Variants in VEPH1 observed in about 807,000 individuals in gnomAD.
VEPH1 encodes ventricular zone-expressed PH domain-containing protein homolog 1.
In VEPH1, 80 loss-of-function variants were observed where a neutral mutation model predicts 85.2. The ratio of observed to expected loss-of-function variants is 0.94; its 90% CI spans 0.78 to 1.13. VEPH1 has a LOEUF of 1.13. Among genes scored for constraint, VEPH1 ranks in the 50% most tolerant of loss-of-function variants. The pLI is 0.00. For missense variants in VEPH1, 955 were observed against 980.5 expected (o/e 0.97, Z 0.35); for synonymous variants, 297 against 348.0 (o/e 0.85, Z 1.63).
intron 9 of VEPH1, among the ~76,000 whole-genome samples, chr3:157,335,308 G>A (rs558874823): frequency 7.2e-5 from 11 of 152,116 alleles, no homozygotes; most frequent in Non-Finnish European, 1.5e-4. Flanking sequence ...TGCGGTGGGA[G>A]GATGGCTTGA....
At chr3:157,406,340 G>T (rs943983905) in intron 6 of VEPH1, among the ~76,000 whole-genome samples, 2 of 152,056 alleles carry the variant, frequency 1.3e-5, no homozygotes, top group Non-Finnish European at 2.9e-5. Context: ...TAATTTAAAG[G>T]TGTAAATCAT....
rs1310211431 is a variant in VEPH1, at chr3:157,428,305, T to G, written c.696+17A>C. 6.2e-7 allele frequency: 1 copy of G among 1,613,576 alleles called. No homozygotes were observed. Among genetic ancestry groups the G allele is most frequent in the Non-Finnish European group, 8.5e-7 (1 of 1,179,676 alleles). The stretch of plus-strand genomic sequence containing the variant: ...GCCTGGTTGTGTGCACCATGACATA[T>G]ACAATGTACTTTTTACCTCGAGTTG... On this transcript the variant is annotated intron_variant, in intron 5 of 13. Coordinates refer to ENST00000362010, the MANE Select transcript of VEPH1 (RefSeq NM_001167912.2).
intron 11 of VEPH1, among the ~76,000 whole-genome samples, chr3:157,293,486 A>C (rs1426117429): frequency 1.3e-5 from 2 of 152,208 alleles, no homozygotes; most frequent in African/African-American, 4.8e-5. Flanking sequence ...TGGCAATTCT[A>C]TGTGTCTGGC....
chr3:157,464,666 A>C (rs1482504668), intron 3 of VEPH1, among the ~76,000 whole-genome samples: 1 of 152,194 alleles, frequency 6.6e-6, no homozygotes, highest in East Asian at 1.9e-4. Context: ...GATTAGCACC[A>C]ATTTGAACTT....
chr3:157,307,787 G>C (rs1435238408), intron 11 of VEPH1, among the ~76,000 whole-genome samples: 1 of 151,648 alleles, frequency 6.6e-6, no homozygotes, highest in Non-Finnish European at 1.5e-5. Flanking sequence ...TTTAATTTGG[G>C]AGAAAATTTT....
At chr3:157,360,124 T>C (rs549013997) in intron 9 of VEPH1, among the ~76,000 whole-genome samples, 1 of 152,308 alleles carries the variant, frequency 6.6e-6, no homozygotes, top group African/African-American at 2.4e-5. Flanking sequence ...AAAGGTAATA[T>C]TGTTGAGCAA....
chr3:157,289,583 C>G (rs755895428), intron 11 of VEPH1, among the ~76,000 whole-genome samples: 8 of 152,110 alleles, frequency 5.3e-5, no homozygotes, highest in Non-Finnish European at 8.8e-5. Context: ...AAACACAAAC[C>G]AACAACCAGT....
chr3:157,490,859 A>C (rs1332025690), intron 2 of VEPH1, among the ~76,000 whole-genome samples: 1 of 152,208 alleles, frequency 6.6e-6, no homozygotes, highest in Non-Finnish European at 1.5e-5. Context: ...TTACTGTAGC[A>C]CTGTTTAAAT....
At chr3:157,261,999 T>C (rs542687288) in intron 13 of VEPH1, among the ~76,000 whole-genome samples, 9 of 152,294 alleles carry the variant, frequency 5.9e-5, no homozygotes, top group South Asian at 2.1e-4. Context: ...AGATATTTCT[T>C]TGAAGTAATT....
rs745827847 is a variant in VEPH1 at position 157,413,997 on chromosome 3, A to G, written c.790T>C (p.Tyr264His). ...AAACTGTTCAAAGCCACTGGCTCAT[A>G]GACTGCTATCTCTATGAGGATGTTT... ...ILNILIEIAV[Y>H]EPVALNSFLP... Residue 264 changes from tyrosine (Y) to histidine (H), a missense_variant, in exon 6 of 14, where the codon TAT becomes CAT. Transcript: ENST00000362010. The G allele has an allele frequency of 6.2e-7, 1 of 1,613,652 alleles. No homozygotes were observed. The highest frequency in any genetic ancestry group is 1.1e-5 in the South Asian group (1 of 91,064).
At chr3:157,456,230 C>A (rs140149934) in intron 4 of VEPH1, among the ~76,000 whole-genome samples, 270 of 151,808 alleles carry the variant, frequency 1.8e-3, no homozygotes, top group African/African-American at 6.2e-3. Context: ...TTGTAAATTT[C>A]TTTAAGTTTC....
chr3:157,483,941 A>G (rs1483764787), intron 2 of VEPH1, among the ~76,000 whole-genome samples: 1 of 152,178 alleles, frequency 6.6e-6, no homozygotes, highest in Non-Finnish European at 1.5e-5. Context: ...AAGTTTAAGA[A>G]CTTTACAAAA....
At chr3:157,316,725 G>C (rs1203364204) in intron 10 of VEPH1, among the ~76,000 whole-genome samples, 1 of 151,900 alleles carries the variant, frequency 6.6e-6, no homozygotes, top group African/African-American at 2.4e-5. Context: ...TGGAAGACTA[G>C]ACAAATCAAG....
At position 157,327,250 on chromosome 3, in the gene VEPH1, C is replaced by G. The variant is rs190146874; in HGVS notation, c.1736-10049G>C. On this transcript the variant is annotated intron_variant, in intron 9 of 13. Transcript: ENST00000362010. The stretch of plus-strand genomic sequence containing the variant: ...GGAGCAGGAGCCACTTCCTAATGCT[C>G]CCAGATGCCACCTTAGGGAGATAAG... 1.7e-3 allele frequency among the ~76,000 whole-genome samples: 258 copies of G among 152,290 alleles called. 2 individuals carry two copies. The Middle Eastern group carries it at 0.017, about 10-fold the overall frequency.
intron 11 of VEPH1, among the ~76,000 whole-genome samples, chr3:157,312,398 G>A (rs1720206222): frequency 6.6e-6 from 1 of 152,176 alleles, no homozygotes; most frequent in Admixed American, 6.5e-5. Flanking sequence ...CTTCTGCCAT[G>A]ACAGTAAGTG....
chr3:157,485,394 A>T (rs993442253), intron 2 of VEPH1, among the ~76,000 whole-genome samples: 2 of 152,178 alleles, frequency 1.3e-5, no homozygotes, highest in African/African-American at 4.8e-5. Flanking sequence ...ATTATAAAAC[A>T]CATATTTATT....
At chr3:157,415,765 G>C (rs1731870780) in intron 5 of VEPH1, among the ~76,000 whole-genome samples, 2 of 152,070 alleles carry the variant, frequency 1.3e-5, no homozygotes, top group Non-Finnish European at 2.9e-5. Context: ...TTCTTAACTT[G>C]CTAAATTTTC....
intron 6 of VEPH1, among the ~76,000 whole-genome samples, chr3:157,401,145 T>A (rs903400674): frequency 1.3e-5 from 2 of 152,054 alleles, no homozygotes; most frequent in Non-Finnish European, 2.9e-5. Context: ...GTAAATGAGG[T>A]GCAATCTCCG....
intron 4 of VEPH1, among the ~76,000 whole-genome samples, chr3:157,458,748 T>C (rs534654267): frequency 6.6e-5 from 10 of 152,234 alleles, no homozygotes; most frequent in Admixed American, 1.3e-4. Context: ...AGGACTTTTA[T>C]AGTTTGAGGT....
Sources: gnomAD v4.1 joint callset for allele counts (sites outside exome capture counted in the v4.1 genomes callset) on GRCh38, gnomAD v4.1.1 for gene constraint, MANE v1.5 for transcripts, NCBI Gene and HGNC (gene_info 2026-07-23, HGNC 2026-07-21) for gene names.